Variants in PLEKHA6 observed in about 807,000 individuals in gnomAD.
PLEKHA6 encodes pleckstrin homology domain containing A6.
In PLEKHA6, 60 loss-of-function variants were observed where a neutral mutation model predicts 116.7. That is an observed-to-expected ratio of 0.51 (90% confidence interval 0.42 to 0.64). The LOEUF (loss-of-function observed/expected upper bound fraction) is 0.64, where lower values mean the gene tolerates loss of function less well. Among genes scored for constraint, PLEKHA6 ranks in the 30% least tolerant of loss-of-function variants. PLEKHA6 has a pLI of 0.00. For synonymous variants in PLEKHA6, 489 were observed against 556.1 expected, an observed-to-expected ratio of 0.88 and a Z score of 1.70; for missense variants, 1,338 against 1,422.7, an observed-to-expected ratio of 0.94 and a Z score of 0.96.
intron 1 of PLEKHA6, among the ~76,000 whole-genome samples, chr1:204,292,086 A>C (rs1669826489): frequency 6.6e-6 from 1 of 152,222 alleles, no homozygotes; most frequent in Admixed American, 6.5e-5. Context: ...AGAGATGAAC[A>C]TGTGTCCTGA....
intron 3 of PLEKHA6, among the ~76,000 whole-genome samples, chr1:204,268,608 TAAG>T (rs1667105189): frequency 1.4e-5 from 2 of 139,918 alleles, no homozygotes; most frequent in East Asian, 2.1e-4. Flanking sequence ...GTGAAAATAA[TAAG>T]ATTTCCAATT....
At chr1:204,279,537 A>C (rs1243014361) in intron 1 of PLEKHA6, among the ~76,000 whole-genome samples, 1 of 152,226 alleles carries the variant, frequency 6.6e-6, no homozygotes, top group Non-Finnish European at 1.5e-5. Context: ...CCATTTGTCA[A>C]GGACAAATGA....
At chr1:204,367,563 C>T (rs374284942) in intron 3 of PLEKHA6, among the ~76,000 whole-genome samples, 15 of 152,260 alleles carry the variant, frequency 9.9e-5, no homozygotes, top group East Asian at 7.7e-4. Flanking sequence ...ACCCACCCCA[C>T]CCCAGGAAAC....
chr1:204,308,781 C>T (rs538034156), intron 1 of PLEKHA6, among the ~76,000 whole-genome samples: 62 of 150,548 alleles, frequency 4.1e-4, no homozygotes, highest in African/African-American at 1.3e-3. Flanking sequence ...CTCCGCCTCC[C>T]GGGTTCACGC....
Position 204,262,113 on chromosome 1 carries a change from G to A in PLEKHA6, c.382-665C>T, listed in dbSNP as rs12139013. Reference sequence around the variant, plus strand: ...GACAGAAGACGACGTGGCAGGAAACGGTGAGGAGCACAGGGAAGGGGGAAT... The same window carrying A: ...GACAGAAGACGACGTGGCAGGAAACAGTGAGGAGCACAGGGAAGGGGGAAT... On this transcript the variant is annotated intron_variant, in intron 6 of 22. Transcript: ENST00000272203. 6.8e-3 allele frequency: 1,042 copies of A among 152,624 alleles called. 10 individuals are homozygous for A. The highest frequency in any genetic ancestry group is 9.4e-3 in the Non-Finnish European group (642 of 68,280). The allele number at this position is 152,624 out of a possible 1,614,324, so 9.5% of individuals were successfully genotyped here.
chr1:204,254,078 A>G (rs1664947544), intron 9 of PLEKHA6, among the ~76,000 whole-genome samples: 1 of 152,246 alleles, frequency 6.6e-6, no homozygotes, highest in African/African-American at 2.4e-5. Context: ...TAGCTTGCTC[A>G]GGAATCCGGA....
At chr1:204,243,350 A>G (rs1663129469) in intron 15 of PLEKHA6, 1 of 399,432 alleles carries the variant, frequency 2.5e-6, no homozygotes, top group Non-Finnish European at 4.4e-6. Context: ...GGAGGCAGAC[A>G]ACAACATTGC....
In PLEKHA6 at chr1:204,238,080, C is replaced by A. The variant is rs753500691; in HGVS notation, c.2409+3295G>T. ...CAAGAAAGAGGCACAGTCTAGTAGGCCTATTTGGAATTTGGAAGCAACATA... is the reference window on the plus strand; with the variant it reads ...CAAGAAAGAGGCACAGTCTAGTAGGACTATTTGGAATTTGGAAGCAACATA... On this transcript the variant is annotated intron_variant, in intron 17 of 22. Coordinates refer to ENST00000272203, the MANE Select transcript of PLEKHA6 (RefSeq NM_014935.5). The surrounding 1 kb of genome is among the most constrained non-coding windows in gnomAD (Gnocchi z 4.2). Among the ~76,000 whole-genome samples the A allele has an allele frequency of 1.3e-5, 2 of 152,120 alleles. No homozygotes were observed. Among genetic ancestry groups the A allele is most frequent in the Non-Finnish European group, 2.9e-5 (2 of 68,024 alleles).
chr1:204,246,533 TA>T (rs1663711136), intron 13 of PLEKHA6, among the ~76,000 whole-genome samples: 1 of 151,946 alleles, frequency 6.6e-6, no homozygotes, highest in Admixed American at 6.6e-5. Context: ...AGCTGCAAGG[TA>T]GGGGTGGTGA....
At chr1:204,265,083 G>A in intron 5 of PLEKHA6, 41 bp from the exon 6 acceptor site, 1 of 1,334,066 alleles carries the variant, frequency 7.5e-7, no homozygotes, top group Non-Finnish European at 1.1e-6. Context: ...GTGTGTGTGT[G>A]TGCAAGCGTG....
intron 17 of PLEKHA6, among the ~76,000 whole-genome samples, chr1:204,240,342 G>A (rs1403035725): frequency 6.6e-6 from 1 of 152,212 alleles, no homozygotes. Context: ...GCTTGCTGAA[G>A]GCAAAGTGAA....
At position 204,245,647 on chromosome 1, in the gene PLEKHA6, G is replaced by C; in HGVS notation, c.2000C>G (p.Pro667Arg). Reference protein sequence around the residue: ...DVMEGLRKNNPSRGTDTAKHR... With the variant: ...DVMEGLRKNNRSRGTDTAKHR... ...CTTGGCGGTGTCCGTGCCCCGGGAG[G>C]GGTTGTTCTTCCTCAGCCCCTCCAT... The change falls in exon 14 of 23, where the codon CCC (proline) becomes CGC (arginine). Residue 667 changes from proline (P) to arginine (R), a missense_variant. By Grantham distance (103) the Pro-to-Arg change is moderately radical. Transcript: ENST00000272203. 1 of 1,613,342 alleles carries C rather than the reference G, an allele frequency of 6.2e-7. No homozygotes were observed.
intron 10 of PLEKHA6, among the ~76,000 whole-genome samples, chr1:204,249,677 C>T (rs941284182): frequency 2.0e-5 from 3 of 152,270 alleles, no homozygotes; most frequent in Non-Finnish European, 4.4e-5. Flanking sequence ...TCCCACAGAA[C>T]CTTCTCCCTT....
intron 1 of PLEKHA6, among the ~76,000 whole-genome samples, chr1:204,298,443 C>T (rs994610449): frequency 9.2e-5 from 14 of 152,140 alleles, no homozygotes; most frequent in Admixed American, 1.3e-4. Flanking sequence ...GGGTCGGGGA[C>T]TGAATGGCCT....
intron 1 of PLEKHA6, among the ~76,000 whole-genome samples, chr1:204,340,860 G>C (rs976028482): frequency 1.3e-5 from 2 of 152,220 alleles, no homozygotes; most frequent in East Asian, 1.9e-4. Flanking sequence ...ACTGGCCTTT[G>C]GCTATTTTTG....
chr1:204,273,765 A>C, intron 2 of PLEKHA6, 25 bp from the exon 3 acceptor site: 1 of 1,513,294 alleles, frequency 6.6e-7, no homozygotes, highest in Non-Finnish European at 9.2e-7. Flanking sequence ...ACCAGAGAAA[A>C]GAGATTGGTG....
intron 17 of PLEKHA6, among the ~76,000 whole-genome samples, chr1:204,240,126 T>A (rs149996230): frequency 1.1e-3 from 160 of 152,304 alleles, no homozygotes; most frequent in Non-Finnish European, 1.8e-3. Flanking sequence ...ATGAAATCAG[T>A]CTACCACTCC....
chr1:204,319,076 G>A (rs141481614), intron 1 of PLEKHA6, among the ~76,000 whole-genome samples: 12 of 152,216 alleles, frequency 7.9e-5, no homozygotes, highest in Middle Eastern at 6.8e-3. Flanking sequence ...CAAGGTACTC[G>A]GTTCATCTCT....
intron 1 of PLEKHA6, among the ~76,000 whole-genome samples, chr1:204,339,258 G>A (rs1483464568): frequency 6.6e-6 from 1 of 152,212 alleles, no homozygotes. Context: ...TTCAGAGGAT[G>A]GCCACGGCCG....
Sources: gnomAD v4.1 joint callset for allele counts (sites outside exome capture counted in the v4.1 genomes callset) on GRCh38, gnomAD v4.1.1 for gene constraint, Gnocchi (gnomAD v3.1) non-coding constraint, MANE v1.5 for transcripts, NCBI Gene and HGNC (gene_info 2026-07-23, HGNC 2026-07-21) for gene names.